Variants in KCNMB2 observed in about 807,000 individuals in gnomAD.
KCNMB2 encodes potassium calcium-activated channel subfamily M regulatory beta subunit 2.
Under a neutral mutation model 24.5 loss-of-function variants are expected in KCNMB2, and 9 were observed. That is an observed-to-expected ratio of 0.37 (90% confidence interval 0.22 to 0.64). The LOEUF is 0.64. Ranked by LOEUF, KCNMB2 falls within the 30% of genes least tolerant of loss-of-function variation. The pLI is 0.63. For missense variants in KCNMB2, 226 were observed against 284.3 expected, an observed-to-expected ratio of 0.79 and a Z score of 1.47; for synonymous variants, 109 against 104.4, an observed-to-expected ratio of 1.04 and a Z score of -0.27.
intron 1 of KCNMB2, among the ~76,000 whole-genome samples, chr3:178,680,713 C>T (rs1721241166): frequency 6.6e-6 from 1 of 152,144 alleles, no homozygotes; most frequent in Non-Finnish European, 1.5e-5. Context: ...TGGTTTTGCT[C>T]ACTCCTCATT....
intron 1 of KCNMB2, among the ~76,000 whole-genome samples, chr3:178,758,439 T>C (rs1255278013): frequency 2.5e-5 from 2 of 78,508 alleles, no homozygotes; most frequent in Admixed American, 3.1e-4. Context: ...TATATATATA[T>C]ATACACACAC....
chr3:178,615,499 C>CCTACT (rs1200283818), intron 1 of KCNMB2, among the ~76,000 whole-genome samples: 1 of 152,208 alleles, frequency 6.6e-6, no homozygotes, highest in Non-Finnish European at 1.5e-5. Flanking sequence ...CGCACTTGTT[C>CCTACT]CTACTCTTCC....
intron 1 of KCNMB2, among the ~76,000 whole-genome samples, chr3:178,715,677 A>G (rs1168725590): frequency 5.3e-5 from 8 of 152,034 alleles, no homozygotes; most frequent in African/African-American, 1.9e-4. Context: ...TCCAACTGGG[A>G]CCTGCCTCTT....
intron 1 of KCNMB2, among the ~76,000 whole-genome samples, chr3:178,779,390 T>C (rs572089094): frequency 9.8e-5 from 15 of 152,338 alleles, no homozygotes; most frequent in Middle Eastern, 3.4e-3. Flanking sequence ...AAGCCATTGA[T>C]GGATACACGT....
chr3:178,581,865 C>A (rs1560117905), intron 1 of KCNMB2, among the ~76,000 whole-genome samples: 3 of 152,252 alleles, frequency 2.0e-5, no homozygotes, highest in South Asian at 2.1e-4. Context: ...AGGCAGGAAA[C>A]AACAGATGCT....
Position 178,827,996 on chromosome 3 carries a change from T to C in KCNMB2, c.228-182T>C, listed in dbSNP as rs189668092. Among the ~76,000 whole-genome samples the C allele has an allele frequency of 9.8e-4, 150 of 152,376 alleles. 1 individual carries two copies. Among genetic ancestry groups the C allele is most frequent in the African/African-American group, 3.5e-3 (146 of 41,586 alleles). On this transcript the variant is annotated intron_variant, in intron 3 of 4. Transcript: ENST00000452583. ...GTTCTCACGTGTCCACGTTTGTCTA[T>C]GTTATACGGTAGTTTGCTTAAAGCT...
At chr3:178,783,194 G>A (rs1410125830) in intron 1 of KCNMB2, among the ~76,000 whole-genome samples, 1 of 152,070 alleles carries the variant, frequency 6.6e-6, no homozygotes, top group Non-Finnish European at 1.5e-5. Context: ...GGTTACTGTA[G>A]CCTTGTGGTA....
intron 1 of KCNMB2, among the ~76,000 whole-genome samples, chr3:178,797,371 C>G (rs915472971): frequency 1.3e-5 from 2 of 152,148 alleles, no homozygotes; most frequent in Non-Finnish European, 2.9e-5. Context: ...GGGAACACTT[C>G]CAAACTCTGT....
chr3:178,553,144 C>T (rs1448111684), intron 1 of KCNMB2, among the ~76,000 whole-genome samples: 1 of 152,204 alleles, frequency 6.6e-6, no homozygotes, highest in African/African-American at 2.4e-5. Flanking sequence ...CCCGAACCTT[C>T]ACCTGAAACT....
intron 1 of KCNMB2, among the ~76,000 whole-genome samples, chr3:178,616,847 AT>A (rs1322231520): frequency 2.6e-5 from 4 of 152,204 alleles, no homozygotes; most frequent in African/African-American, 9.6e-5. Flanking sequence ...ATACCAAATC[AT>A]TTGTAAAAAT....
chr3:178,696,881 A>C (rs1721898902), intron 1 of KCNMB2, among the ~76,000 whole-genome samples: 2 of 152,240 alleles, frequency 1.3e-5, no homozygotes, highest in African/African-American at 4.8e-5. Flanking sequence ...GAAATTCAGA[A>C]GGAAGTCATT....
chr3:178,740,935 A>G (rs1723474256), intron 1 of KCNMB2, among the ~76,000 whole-genome samples: 2 of 152,210 alleles, frequency 1.3e-5, no homozygotes, highest in South Asian at 4.1e-4. Context: ...CCTGGGATAC[A>G]AAATCATCAA....
At chr3:178,564,150 C>T (rs530098952) in intron 1 of KCNMB2, among the ~76,000 whole-genome samples, 2 of 151,990 alleles carry the variant, frequency 1.3e-5, no homozygotes, top group Non-Finnish European at 2.9e-5. Flanking sequence ...TGGTGGCATG[C>T]ACCTATCATC....
At chr3:178,553,019 A>T (rs902777846) in intron 1 of KCNMB2, among the ~76,000 whole-genome samples, 1 of 152,210 alleles carries the variant, frequency 6.6e-6, no homozygotes, top group Admixed American at 6.5e-5. Context: ...CTATGTTGTT[A>T]TCTTAGCTGG....
At chr3:178,595,868 T>G (rs1226089504) in intron 1 of KCNMB2, among the ~76,000 whole-genome samples, 1 of 152,116 alleles carries the variant, frequency 6.6e-6, no homozygotes, top group Non-Finnish European at 1.5e-5. Flanking sequence ...CATTTCAGAT[T>G]GAAGACTAAG....
At chr3:178,580,953 T>C (rs1717177784) in intron 1 of KCNMB2, among the ~76,000 whole-genome samples, 1 of 152,338 alleles carries the variant, frequency 6.6e-6, no homozygotes, top group African/African-American at 2.4e-5. Flanking sequence ...CAAAATAATT[T>C]ATAGATTCAA....
At position 178,810,298 on chromosome 3, in the gene KCNMB2, C is replaced by G. The variant is rs375321533; in HGVS notation, c.56+2833C>G. Among the ~76,000 whole-genome samples, 48 of 152,324 alleles carry G rather than the reference C, an allele frequency of 3.2e-4. 1 individual carries two copies. In the South Asian group the frequency reaches 9.7e-3, roughly 31 times the overall value. The stretch of plus-strand genomic sequence containing the variant: ...TCTTCTTGTTCTGCAAACCTGGCCT[C>G]TGTGTGTGCCTGCTTTCTCCAGCTG... On this transcript the variant is annotated intron_variant, in intron 2 of 4. Coordinates refer to ENST00000452583, the MANE Select transcript of KCNMB2 (RefSeq NM_181361.3).
chr3:178,635,031 G>A lies in KCNMB2; in HGVS notation c.-68+98320G>A, dbSNP rs1285793510. On this transcript the variant is annotated intron_variant, in intron 1 of 4. Coordinates refer to ENST00000452583, the MANE Select transcript of KCNMB2 (RefSeq NM_181361.3). ...GCTCCTGGACTGTGGTGATGGAAGG[G>A]AATTGAATTCTGTTTTCATGTATGA... 2.0e-5 allele frequency among the ~76,000 whole-genome samples: 3 copies of A among 152,060 alleles called. No homozygotes were observed. In the East Asian group the frequency reaches 5.8e-4, roughly 29 times the overall value.
At chr3:178,779,997 A>T (rs1180556729) in intron 1 of KCNMB2, among the ~76,000 whole-genome samples, 2 of 151,718 alleles carry the variant, frequency 1.3e-5, no homozygotes, top group Non-Finnish European at 2.9e-5. Flanking sequence ...CCAGGTTTCA[A>T]TATAATAAGT....
Sources: allele counts gnomAD v4.1 joint callset (sites outside exome capture counted in the v4.1 genomes callset), GRCh38; gene constraint gnomAD v4.1.1; transcripts MANE v1.5; gene names NCBI Gene and HGNC (gene_info 2026-07-23, HGNC 2026-07-21).